ST7L: variants seen among roughly 807,000 people sequenced by gnomAD.
ST7L encodes suppression of tumorigenicity 7 like, also known as suppressor of tumorigenicity 7 protein-like.
Under a neutral mutation model 72.5 loss-of-function variants are expected in ST7L, and 57 were observed. The ratio of observed to expected loss-of-function variants is 0.79; its 90% CI spans 0.64 to 0.98. The LOEUF (loss-of-function observed/expected upper bound fraction) is 0.98. ST7L is among the 50% of genes least tolerant of loss of function. The pLI is 0.00. For missense variants in ST7L, 576 were observed against 672.2 expected (o/e 0.86, Z 1.58); for synonymous variants, 221 against 240.9 (o/e 0.92, Z 0.77).
intron 11 of ST7L, among the ~76,000 whole-genome samples, chr1:112,567,656 C>T (rs1661261888): frequency 6.6e-6 from 1 of 152,030 alleles, no homozygotes; most frequent in South Asian, 2.1e-4. Context: ...TCATGATTCC[C>T]TCCCACCACA....
At chr1:112,551,363 T>C (rs1290890094) in intron 12 of ST7L, among the ~76,000 whole-genome samples, 4 of 151,932 alleles carry the variant, frequency 2.6e-5, no homozygotes, top group Non-Finnish European at 2.9e-5. Flanking sequence ...TTAGCCAGGA[T>C]GGTCTCGATC....
chr1:112,585,892 AAG>A (rs1434005375), intron 6 of ST7L, among the ~76,000 whole-genome samples: 1 of 152,246 alleles, frequency 6.6e-6, no homozygotes, highest in Admixed American at 6.5e-5. Flanking sequence ...TTATCTCAGC[AAG>A]AGGAGAGAAA....
intron 11 of ST7L, among the ~76,000 whole-genome samples, chr1:112,568,861 A>AATATATATAAATATATAT (rs1410937307): frequency 5.2e-5 from 6 of 114,888 alleles, no homozygotes; most frequent in African/African-American, 1.7e-4. Context: ...TATAAATATA[A>AATATATATAAATATATAT]ATATATATAT....
chr1:112,551,475 G>A (rs1457490893), intron 12 of ST7L, among the ~76,000 whole-genome samples: 1 of 152,172 alleles, frequency 6.6e-6, no homozygotes, highest in Non-Finnish European at 1.5e-5. Flanking sequence ...CTAGATCAGG[G>A]GTCACCAAAG....
chr1:112,553,380 C>G (rs1243413040), intron 12 of ST7L, among the ~76,000 whole-genome samples: 1 of 152,042 alleles, frequency 6.6e-6, no homozygotes, highest in Admixed American at 6.6e-5. Flanking sequence ...ACACTTGGCT[C>G]ATCAATTTTA....
intron 13 of ST7L, among the ~76,000 whole-genome samples, chr1:112,544,840 T>C (rs1333207459): frequency 6.6e-6 from 1 of 152,210 alleles, no homozygotes; most frequent in Non-Finnish European, 1.5e-5. Flanking sequence ...TCTTCCTGGA[T>C]TGCTTTCTGT....
chr1:112,553,887 G>A (rs1658664939), intron 12 of ST7L, among the ~76,000 whole-genome samples: 1 of 152,096 alleles, frequency 6.6e-6, no homozygotes, highest in African/African-American at 2.4e-5. Context: ...TATTATTTTT[G>A]AGACAAGGTC....
chr1:112,549,349 C>T (rs1312330627), intron 13 of ST7L, among the ~76,000 whole-genome samples: 4 of 151,996 alleles, frequency 2.6e-5, no homozygotes, highest in Admixed American at 2.6e-4. Flanking sequence ...GCTGAGATTG[C>T]GCCACTGCAC....
intron 9 of ST7L, among the ~76,000 whole-genome samples, chr1:112,581,506 C>T (rs1241964444): frequency 2.6e-5 from 4 of 151,832 alleles, no homozygotes; most frequent in Non-Finnish European, 5.9e-5. Context: ...TCAAGTGATC[C>T]TCCCACCTTA....
intron 14 of ST7L, among the ~76,000 whole-genome samples, chr1:112,537,756 CTT>C (rs1655443888): frequency 6.6e-6 from 1 of 152,214 alleles, no homozygotes; most frequent in African/African-American, 2.4e-5. Context: ...TTATGCAACA[CTT>C]TTTCATTGCT....
downstream of ST7L, chr1:112,520,733 G>A (rs1459449962): frequency 1.5e-5 from 9 of 587,848 alleles, no homozygotes; most frequent in African/African-American, 5.6e-5. Context: ...CTGATTTCCC[G>A]CTCTGGAGAT....
intron 14 of ST7L, among the ~76,000 whole-genome samples, chr1:112,531,627 T>C (rs1654396717): frequency 6.6e-6 from 1 of 152,236 alleles, no homozygotes; most frequent in South Asian, 2.1e-4. Context: ...TGAACTCATC[T>C]ATTGTGGCAA....
At chr1:112,585,833 A>C (rs1016808082) in intron 6 of ST7L, among the ~76,000 whole-genome samples, 2 of 152,242 alleles carry the variant, frequency 1.3e-5, no homozygotes, top group African/African-American at 4.8e-5. Context: ...GCTACTAGAA[A>C]ATTTAAAGTT....
At chr1:112,617,125 C>A in intron 1 of ST7L, 6 of 279,272 alleles carry the variant, frequency 2.1e-5, no homozygotes, top group South Asian at 1.3e-4. Flanking sequence ...AAAACTAAAG[C>A]ACTTATAAGT....
intron 11 of ST7L, among the ~76,000 whole-genome samples, chr1:112,575,262 C>G: frequency 6.6e-6 from 1 of 152,076 alleles, no homozygotes; most frequent in East Asian, 1.9e-4. Context: ...TTACAGTACT[C>G]ACTCCTTATC....
chr1:112,546,316 CAAAAAAAAAAA>C (rs57742086), intron 13 of ST7L, among the ~76,000 whole-genome samples: 1 of 91,350 alleles, frequency 1.1e-5, no homozygotes, highest in African/African-American at 4.1e-5. Context: ...AATCCTAACT[CAAAAAAAAAAA>C]AAAAAAAAAG....
At position 112,550,642 on chromosome 1, in the gene ST7L, T is replaced by C; in HGVS notation, c.1448A>G (p.Tyr483Cys). 6.2e-7 allele frequency: 1 copy of C among 1,613,484 alleles called. No individual in the cohort carries two copies. Among genetic ancestry groups the C allele is most frequent in the Non-Finnish European group, 8.5e-7 (1 of 1,179,650 alleles). ...ATCAGCCGTCTCTGTGCAGCTGGGA[T>C]AAGGGTAAAATAGATGTCCTTTCTC... is the stretch of plus-strand genomic sequence containing the variant. ...PLEKGHLFYPYPSCTETADRE... is the reference protein window; with the variant it reads ...PLEKGHLFYPCPSCTETADRE... The change falls in exon 13 of 15, where the codon TAT becomes TGT. Residue 483 changes from tyrosine (Y) to cysteine (C), a missense_variant. Tyr to Cys is a radical substitution (Grantham distance 194). This residue lies in a region of ST7L where 511 missense variants were observed against 600.7 expected (regional missense o/e 0.85). Coordinates refer to ENST00000358039, the MANE Select transcript of ST7L (RefSeq NM_017744.5).
At chr1:112,619,644 C>G, upstream of ST7L, 1 of 589,328 alleles carries the variant, frequency 1.7e-6, no homozygotes, top group South Asian at 2.0e-5. Context: ...TTCAAATCAC[C>G]TAAGGCAAAC....
intron 11 of ST7L, among the ~76,000 whole-genome samples, chr1:112,566,725 T>C (rs1661126388): frequency 6.6e-6 from 1 of 152,202 alleles, no homozygotes; most frequent in Non-Finnish European, 1.5e-5. Context: ...TTTCTTGAAC[T>C]TCACATAAAT....
Sources: gnomAD v4.1 joint callset for allele counts (sites outside exome capture counted in the v4.1 genomes callset) on GRCh38, gnomAD v4.1.1 for gene constraint, gnomAD v4.1.1 regional missense constraint, MANE v1.5 for transcripts, NCBI Gene and HGNC (gene_info 2026-07-23, HGNC 2026-07-21) for gene names.